DEPDC7: variants seen among roughly 807,000 people sequenced by gnomAD.
The protein encoded by DEPDC7 is DEP domain-containing protein 7.
Under a neutral mutation model 56.6 loss-of-function variants are expected in DEPDC7, and 41 were observed. The ratio of observed to expected loss-of-function variants is 0.72; its 90% CI spans 0.56 to 0.94. The LOEUF (loss-of-function observed/expected upper bound fraction) is 0.94. Among genes scored for constraint, DEPDC7 ranks in the 40% least tolerant of loss-of-function variants. The pLI, the probability that DEPDC7 is intolerant of heterozygous loss-of-function variation, is 0.00. For synonymous variants in DEPDC7, 185 were observed against 208.8 expected, an observed-to-expected ratio of 0.89 and a Z score of 0.98; for missense variants, 522 against 596.3, an observed-to-expected ratio of 0.88 and a Z score of 1.30.
Position 33,026,035 on chromosome 11 carries a change from A to G in DEPDC7, c.450A>G (p.Leu150=). 1.9e-6 allele frequency: 3 copies of G among 1,613,996 alleles called. No individual in the cohort carries two copies. Among genetic ancestry groups the G allele is most frequent in the Non-Finnish European group, 1.7e-6 (2 of 1,180,014 alleles). Residue 150 remains leucine, a synonymous_variant, in exon 2 of 9, where the codon CTA becomes CTG. Transcript: ENST00000241051. ...GTCAGTTAGGCAAAGAGAACAAACT[A>G]TATTCACCTGCCAGGTTGGTATATA... ...QDSQLGKENK[L]YSPARYADAL...
rs1853632075 is a variant in DEPDC7 at position 33,031,455 on chromosome 11, G to C, written c.860G>C (p.Ser287Thr). The C allele has an allele frequency of 1.9e-6, 3 of 1,614,184 alleles. No homozygotes were observed. The highest frequency in any genetic ancestry group is 2.5e-6 in the Non-Finnish European group (3 of 1,180,032). ...CAAATGGTGGTGGAAATAAGCAGAA[G>C]CTTTCCTGAGCAACCAGACCGAACA... ...PDQMVVEISR[S>T]FPEQPDRTDL... Residue 287 changes from serine to threonine, a missense_variant, in exon 5 of 9, where the codon AGC (serine) becomes ACC (threonine). By Grantham distance (58) the Ser-to-Thr change is moderately conservative. Transcript: ENST00000241051.
rs1420107632 is a variant in DEPDC7 at position 33,027,694 on chromosome 11, A to T, written c.473A>T (p.Asp158Val). 5 of 1,523,044 alleles carry T rather than the reference A, an allele frequency of 3.3e-6. No individual in the cohort carries two copies. The African/African-American group carries it at 7.2e-5, about 22-fold the overall frequency. 94.3% of individuals were successfully genotyped at this position (1,523,044 alleles called of 1,614,324 possible). The change falls in exon 3 of 9, where the codon GAT (aspartate) becomes GTT (valine). Residue 158 changes from aspartate to valine, a missense_variant. Physicochemically the swap from Asp to Val is radical, Grantham distance 152. Transcript: ENST00000241051. ...NKLYSPARYA[D>V]ALFKSSDIRS... ...AAATAAATTCATTTTAGGTATGCAG[A>T]TGCATTATTTAAGTCATCCGATATC... is the stretch of plus-strand genomic sequence containing the variant.
At chr11:33,032,849 T>C (rs767403991) in intron 7 of DEPDC7, 40 bp from the exon 8 acceptor site, 2 of 1,581,546 alleles carry the variant, frequency 1.3e-6, no homozygotes, top group African/African-American at 1.4e-5. Context: ...TAGATTAAAA[T>C]GCATTTGAAT....
At chr11:33,028,879 C>A in intron 4 of DEPDC7, 87 bp downstream of exon 4, 1 of 1,031,726 alleles carries the variant, frequency 9.7e-7, no homozygotes, top group Non-Finnish European at 1.4e-6. Context: ...ATTCTTTTTT[C>A]TATAGGATCA....
chr11:33,032,830 A>G (rs750500381), intron 7 of DEPDC7, 37 bp downstream of exon 7: 2 of 1,586,244 alleles, frequency 1.3e-6, no homozygotes, highest in Admixed American at 1.8e-5. Flanking sequence ...AGCTTATGTA[A>G]TAGATCACTA....
intron 4 of DEPDC7, 44 bp downstream of exon 4, chr11:33,028,836 G>A: frequency 6.9e-7 from 1 of 1,442,874 alleles, no homozygotes. Context: ...TTTGTAGGTA[G>A]ATTGAGATAA....
intron 4 of DEPDC7, among the ~76,000 whole-genome samples, chr11:33,030,310 T>G (rs965385350): frequency 1.6e-4 from 25 of 152,144 alleles, no homozygotes; most frequent in Non-Finnish European, 3.5e-4. Context: ...AGAAGTGACC[T>G]TAAAGATCAT....
chr11:33,030,224 C>T (rs1371418786), intron 4 of DEPDC7, among the ~76,000 whole-genome samples: 3 of 152,286 alleles, frequency 2.0e-5, no homozygotes, highest in Admixed American at 2.0e-4. Flanking sequence ...TCCCAAAGTG[C>T]TGGGATTACA....
intron 2 of DEPDC7, 32 bp from the exon 3 acceptor site, chr11:33,027,654 A>C (rs1853592375): frequency 6.8e-7 from 1 of 1,462,192 alleles, no homozygotes; most frequent in Admixed American, 2.8e-5. Flanking sequence ...TGGGCTTAGT[A>C]AATGTTCATT....
At chr11:33,016,598 A>C (rs995250260) in intron 1 of DEPDC7, 1 of 1,612,258 alleles carries the variant, frequency 6.2e-7, no homozygotes, top group Admixed American at 1.7e-5. Context: ...ATTTATTAAC[A>C]CTTTATGTAT....
At chr11:33,026,981 G>A (rs7105917) in intron 2 of DEPDC7, among the ~76,000 whole-genome samples, 21,794 of 152,102 alleles carry the variant, frequency 0.14, 1,972 homozygotes, top group Middle Eastern at 0.23. Context: ...ACCTCTTTGT[G>A]TAGAAAGGAA....
At chr11:33,017,145 A>G (rs1382922295) in intron 1 of DEPDC7, among the ~76,000 whole-genome samples, 1 of 152,196 alleles carries the variant, frequency 6.6e-6, no homozygotes, top group Admixed American at 6.5e-5. Context: ...CATAATATTG[A>G]CCTTAGTCTG....
chr11:33,031,300 C>A, intron 4 of DEPDC7, 78 bp from the exon 5 acceptor site: 1 of 1,033,852 alleles, frequency 9.7e-7, no homozygotes, highest in South Asian at 1.4e-5. Flanking sequence ...AATTAGGTAC[C>A]ATGTGTATAT....
chr11:33,018,339 T>C (rs1414433119), intron 1 of DEPDC7, among the ~76,000 whole-genome samples: 4 of 152,240 alleles, frequency 2.6e-5, no homozygotes, highest in African/African-American at 9.6e-5. Flanking sequence ...ATGTCCTTTT[T>C]CTTTGTTGTC....
rs1361604213 is a variant in DEPDC7 at position 33,024,183 on chromosome 11, A to G, written c.74-1476A>G. ...ATTTCTTTCCTATTGATTTCCAAAT[A>G]TCTGCTAATTACAATGAGGAAAAAT... On this transcript the variant is annotated intron_variant, in intron 1 of 8. Coordinates refer to ENST00000241051, the MANE Select transcript of DEPDC7 (RefSeq NM_001077242.2). 2.0e-5 allele frequency among the ~76,000 whole-genome samples: 3 copies of G among 152,224 alleles called. No individual in the cohort carries two copies. The East Asian group carries it at 5.8e-4, about 29-fold the overall frequency.
At position 33,025,777 on chromosome 11, in the gene DEPDC7, C is replaced by G; in HGVS notation, c.192C>G (p.Asp64Glu). The G allele has an allele frequency of 6.2e-7, 1 of 1,614,202 alleles. No individual in the cohort carries two copies. Among genetic ancestry groups the G allele is most frequent in the Non-Finnish European group, 8.5e-7 (1 of 1,180,044 alleles). ...KRRHRLKRHN[D>E]CFVGSEAVDV... ...GGCACCGTTTAAAACGACATAATGA[C>G]TGCTTTGTTGGTTCAGAAGCTGTGG... The change falls in exon 2 of 9, where the codon GAC (aspartate) becomes GAG (glutamate). Residue 64 changes from aspartate (D) to glutamate (E), a missense_variant. Physicochemically the swap from Asp to Glu is conservative, Grantham distance 45. Transcript: ENST00000241051.
intron 1 of DEPDC7, among the ~76,000 whole-genome samples, chr11:33,024,774 C>A (rs965640675): frequency 2.7e-5 from 4 of 146,960 alleles, no homozygotes; most frequent in African/African-American, 1.0e-4. Context: ...CCATCGTTGA[C>A]AGAAATGTTG....
At chr11:33,024,818 G>A (rs1853561168) in intron 1 of DEPDC7, among the ~76,000 whole-genome samples, 2 of 150,844 alleles carry the variant, frequency 1.3e-5, no homozygotes, top group African/African-American at 2.4e-5. Flanking sequence ...GTGTGTGTGT[G>A]TGTGTGTGTG....
Position 33,033,340 on chromosome 11 carries a change from AT to A in DEPDC7, c.1424del (p.Leu475TyrfsTer2), listed in dbSNP as rs780415323. ...TEKTTKDELL[N>X]LLKTLDEDSK... ...AAGACAACCAAAGATGAGCTGTTGAATTTACTAAAAACTCTTGATGAGGATT... is the reference window on the plus strand; with the variant it reads ...AAGACAACCAAAGATGAGCTGTTGAATTACTAAAAACTCTTGATGAGGATT... On this transcript the variant is annotated frameshift_variant, in exon 9 of 9. Transcript: ENST00000241051. LOFTEE classifies it high-confidence loss of function. 19 of 1,610,300 alleles carry A rather than the reference AT, an allele frequency of 1.2e-5. 1 individual carries two copies. The South Asian group carries it at 2.0e-4, about 17-fold the overall frequency.
Sources: gnomAD v4.1 joint callset for allele counts (sites outside exome capture counted in the v4.1 genomes callset) on GRCh38, gnomAD v4.1.1 for gene constraint, MANE v1.5 for transcripts, NCBI Gene and HGNC (gene_info 2026-07-23, HGNC 2026-07-21) for gene names.